Variants in CEP152 observed in about 807,000 individuals in gnomAD.
CEP152 encodes the protein centrosomal protein of 152 kDa.
In CEP152, 132 loss-of-function variants were observed where a neutral mutation model predicts 188.9. That is an observed-to-expected ratio of 0.70 (90% CI 0.61 to 0.81). The LOEUF (loss-of-function observed/expected upper bound fraction) is 0.81. Among genes scored for constraint, CEP152 ranks in the 30% least tolerant of loss-of-function variants. The pLI, the probability that CEP152 is intolerant of heterozygous loss-of-function variation, is 0.00. For missense variants in CEP152, 1,914 were observed against 1,969.8 expected (o/e 0.97, Z 0.54); for synonymous variants, 649 against 666.6 (o/e 0.97, Z 0.41).
intron 20 of CEP152, among the ~76,000 whole-genome samples, chr15:48,754,951 T>G (rs1188527467): frequency 6.6e-6 from 1 of 152,094 alleles, no homozygotes; most frequent in African/African-American, 2.4e-5. Context: ...AACTCCTTAA[T>G]CACAATATTT....
intron 17 of CEP152, among the ~76,000 whole-genome samples, chr15:48,763,569 G>A (rs936022485): frequency 2.0e-5 from 3 of 152,112 alleles, no homozygotes; most frequent in Non-Finnish European, 1.5e-5. Flanking sequence ...AGCTACTCAG[G>A]AGGCTGAGGC....
intron 1 of CEP152, among the ~76,000 whole-genome samples, chr15:48,809,448 A>T (rs1450846978): frequency 6.6e-6 from 1 of 152,228 alleles, no homozygotes. Flanking sequence ...AGTACAAAGC[A>T]CAAATTACTT....
rs755071182 is a variant in CEP152, at chr15:48,756,288, C to T, written c.2960G>A (p.Arg987Gln). 7 of 1,577,242 alleles carry T rather than the reference C, an allele frequency of 4.4e-6. No homozygotes were observed. The highest frequency in any genetic ancestry group is 6.0e-6 in the Non-Finnish European group (7 of 1,164,770). ...QDYRQFLDDHRNKINEVLAAA... is the reference protein window; with the variant it reads ...QDYRQFLDDHQNKINEVLAAA... ...CGCAAGCACCTCATTAATTTTATTT[C>T]GGTGATCATCTAAAAATTGCCGGTA... Residue 987 changes from arginine (R) to glutamine (Q), a missense_variant, in exon 20 of 27, where the codon CGA becomes CAA. Coordinates refer to ENST00000380950, the MANE Select transcript of CEP152 (RefSeq NM_001194998.2).
intron 12 of CEP152, among the ~76,000 whole-genome samples, chr15:48,775,663 A>G (rs189585199): frequency 6.6e-6 from 1 of 152,200 alleles, no homozygotes; most frequent in East Asian, 1.9e-4. Context: ...GATTCTATTT[A>G]TATGAAATGC....
chr15:48,761,079 A>C (rs965312585), intron 18 of CEP152, among the ~76,000 whole-genome samples: 2 of 152,164 alleles, frequency 1.3e-5, no homozygotes, highest in African/African-American at 4.8e-5. Context: ...TTATTATGAA[A>C]TATTTCCTTT....
intron 12 of CEP152, among the ~76,000 whole-genome samples, chr15:48,778,640 A>C (rs920018673): frequency 6.6e-6 from 1 of 152,094 alleles, no homozygotes; most frequent in African/African-American, 2.4e-5. Flanking sequence ...TATTATCTAT[A>C]GGAATGTGCT....
At position 48,738,722 on chromosome 15, in the gene CEP152, C is replaced by T. The variant is rs1426994893; in HGVS notation, c.4660G>A (p.Gly1554Ser). 1 of 1,614,146 alleles carries T rather than the reference C, an allele frequency of 6.2e-7. No individual in the cohort carries two copies. The highest frequency in any genetic ancestry group is 2.2e-5 in the East Asian group (1 of 44,878). ...ACTGGAGGTTCCTGAACATCCAAACCTTGACTTTTCTCAGATGCAGCATTT... is the reference window on the plus strand; with the variant it reads ...ACTGGAGGTTCCTGAACATCCAAACTTTGACTTTTCTCAGATGCAGCATTT... ...SENAASEKSQ[G>S]LDVQEPPVKD... The change falls in exon 27 of 27, where the codon GGT becomes AGT. Residue 1554 changes from glycine (G) to serine (S), a missense_variant. By Grantham distance (56) the Gly-to-Ser change is moderately conservative. Transcript: ENST00000380950.
intron 6 of CEP152, 59 bp downstream of exon 6, chr15:48,795,951 T>C: frequency 7.1e-7 from 1 of 1,399,336 alleles, no homozygotes; most frequent in Admixed American, 1.7e-5. Context: ...ATATTCATTG[T>C]GTATTCAAAT....
intron 10 of CEP152, chr15:48,783,134 CA>C (rs1490426226): frequency 6.6e-6 from 1 of 152,174 alleles, no homozygotes; most frequent in Admixed American, 6.5e-5. Flanking sequence ...GACCTGTTTT[CA>C]CAATGTGAGC....
intron 9 of CEP152, among the ~76,000 whole-genome samples, chr15:48,788,377 A>T (rs1030751942): frequency 5.8e-5 from 7 of 121,174 alleles, no homozygotes; most frequent in African/African-American, 2.2e-4. Flanking sequence ...TCTGTCGCCC[A>T]GGGTGGAGTG....
chr15:48,747,268 T>C (rs778708892), intron 22 of CEP152, among the ~76,000 whole-genome samples: 67 of 152,158 alleles, frequency 4.4e-4, no homozygotes, highest in Non-Finnish European at 8.8e-4. Context: ...AATAAACTTA[T>C]TAACCTGGTC....
chr15:48,781,991 T>C (rs1896276808), intron 11 of CEP152, 148 bp downstream of exon 11: 8 of 711,906 alleles, frequency 1.1e-5, no homozygotes, highest in Middle Eastern at 2.4e-4. Flanking sequence ...GCCAACTGTG[T>C]GAAGGAGATG....
At chr15:48,743,604 C>T (rs369365460) in intron 24 of CEP152, among the ~76,000 whole-genome samples, 76 of 152,208 alleles carry the variant, frequency 5.0e-4, no homozygotes, top group African/African-American at 1.7e-3. Context: ...GGCTCACGCC[C>T]GTAATCCCAG....
downstream of CEP152, among the ~76,000 whole-genome samples, chr15:48,735,897 C>T (rs914298951): frequency 1.3e-5 from 2 of 151,902 alleles, no homozygotes; most frequent in African/African-American, 4.8e-5. Flanking sequence ...ATCTGATAAA[C>T]CTTTAGATAG....
Position 48,788,945 on chromosome 15 carries a change from CA to C in CEP152, c.1028del (p.Leu343ArgfsTer56). ...EMALESLKQQLVDLHHSESLQ... is the reference protein window; with the variant it reads ...EMALESLKQQXVDLHHSESLQ... ...GTGATTCAGAATGATGAAGGTCCAC[CA>C]GCTGCTGCTTCAAGCTTTCCAGAGC... On this transcript the variant is annotated frameshift_variant, in exon 9 of 27. Transcript: ENST00000380950. LOFTEE classifies it high-confidence loss of function. The C allele has an allele frequency of 6.2e-7, 1 of 1,614,180 alleles. No individual in the cohort carries two copies. The highest frequency in any genetic ancestry group is 8.5e-7 in the Non-Finnish European group (1 of 1,180,038).
Position 48,797,585 on chromosome 15 carries a change from A to G in CEP152, c.262-6T>C. The G allele has an allele frequency of 1.2e-6, 2 of 1,614,100 alleles. No individual in the cohort carries two copies. The highest frequency in any genetic ancestry group is 1.7e-6 in the Non-Finnish European group (2 of 1,179,998). On this transcript the variant is annotated splice_polypyrimidine_tract_variant and splice_region_variant and intron_variant, in intron 4 of 26. Coordinates refer to ENST00000380950, the MANE Select transcript of CEP152 (RefSeq NM_001194998.2). ...CTCTGAATTTCATTATAGCCCTATTAGATAACAAGAGTAAAACAAAAGCAC... is the reference window on the plus strand; with the variant it reads ...CTCTGAATTTCATTATAGCCCTATTGGATAACAAGAGTAAAACAAAAGCAC...
intron 24 of CEP152, among the ~76,000 whole-genome samples, chr15:48,743,146 T>C (rs1474637209): frequency 6.6e-6 from 1 of 152,118 alleles, no homozygotes; most frequent in Non-Finnish European, 1.5e-5. Flanking sequence ...AAAAGTTGCG[T>C]TGCTTGTAGC....
rs1230727188 is a variant in CEP152 at position 48,742,010 on chromosome 15, CG to C, written c.3925del (p.Arg1309GlufsTer8). 1.2e-6 allele frequency: 2 copies of C among 1,614,148 alleles called. No homozygotes were observed. Among genetic ancestry groups the C allele is most frequent in the African/African-American group, 2.7e-5 (2 of 75,024 alleles). On this transcript the variant is annotated frameshift_variant, in exon 25 of 27. Transcript: ENST00000380950. LOFTEE classifies it high-confidence loss of function. Reference sequence around the variant, plus strand: ...AATCAAATAATATTTGCGCATCTTTCGGGCGGTTTCTTGACGTTCTCGCAGT... The same window carrying C: ...AATCAAATAATATTTGCGCATCTTTCGGCGGTTTCTTGACGTTCTCGCAGT... ...EVLRERQETA[R>X]KMRKYYLICL...
At position 48,768,223 on chromosome 15, in the gene CEP152, C is replaced by G; in HGVS notation, c.2014G>C (p.Asp672His). The G allele has an allele frequency of 6.3e-7, 1 of 1,595,516 alleles. No homozygotes were observed. ...AGGCATCTATATAGACCTTACCTAT[C>G]CACAGCTTCTTGTTTGTCATGGTCA... is the stretch of plus-strand genomic sequence containing the variant. ...DFDHDKQEAV[D>H]RCERTYQQHH... The change falls in exon 15 of 27, where the codon GAT (aspartate) becomes CAT (histidine). Residue 672 changes from aspartate to histidine, a missense_variant. Asp to His is a moderately conservative substitution (Grantham distance 81). Transcript: ENST00000380950.
Sources: allele counts gnomAD v4.1 joint callset (sites outside exome capture counted in the v4.1 genomes callset), GRCh38; gene constraint gnomAD v4.1.1; transcripts MANE v1.5; gene names NCBI Gene and HGNC (gene_info 2026-07-23, HGNC 2026-07-21).